The following HAO2 variants were observed in gnomAD, a reference collection of about 807,000 sequenced individuals.
HAO2 encodes hydroxyacid oxidase 2.
Under a neutral mutation model 37.4 loss-of-function variants are expected in HAO2, and 42 were observed. That is an observed-to-expected ratio of 1.12 (90% CI 0.88 to 1.45). The LOEUF is 1.45. HAO2 is among the 40% of genes most tolerant of loss of function. The pLI is 0.00. For synonymous variants in HAO2, 180 were observed against 162.8 expected (o/e 1.11, Z -0.81); for missense variants, 476 against 430.2 (o/e 1.11, Z -0.94).
intron 1 of HAO2, among the ~76,000 whole-genome samples, chr1:119,374,147 T>C (rs1649258127): frequency 6.6e-6 from 1 of 152,226 alleles, no homozygotes; most frequent in African/African-American, 2.4e-5. Flanking sequence ...ATCCAAATTC[T>C]TCCCCCTGCC....
chr1:119,392,386 A>G, intron 6 of HAO2, 118 bp downstream of exon 6: 1 of 893,242 alleles, frequency 1.1e-6, no homozygotes, highest in South Asian at 1.7e-5. Flanking sequence ...AAGGATAGTT[A>G]CACCTAAGCT....
chr1:119,379,277 A>G (rs1649726700), intron 1 of HAO2, among the ~76,000 whole-genome samples: 1 of 152,174 alleles, frequency 6.6e-6, no homozygotes, highest in Non-Finnish European at 1.5e-5. Context: ...CTAGAGTCCC[A>G]GAGGAGAAGC....
chr1:119,385,511 G>A (rs1452542020), intron 4 of HAO2: 6 of 837,402 alleles, frequency 7.2e-6, no homozygotes, highest in Non-Finnish European at 8.6e-6. Context: ...AGACAGGCCA[G>A]GTTCTACCTT....
intron 4 of HAO2, chr1:119,385,426 T>C (rs1650298457): frequency 1.7e-5 from 15 of 885,052 alleles, no homozygotes; most frequent in Non-Finnish European, 2.0e-5. Context: ...AAAATGCTAA[T>C]TTTGGATGGC....
Position 119,383,024 on chromosome 1 carries a change from C to T in HAO2, c.241C>T (p.His81Tyr), listed in dbSNP as rs587726854. ...APICIAPTGF[H>Y]CLVWPDGEMS... is the part of the protein sequence containing the mutation. ...TATTTGTATCGCACCCACAGGGTTC[C>T]ACTGCCTTGTCTGGCCTGATGGGGA... Residue 81 changes from histidine (H) to tyrosine (Y), a missense_variant, in exon 3 of 8, where the codon CAC becomes TAC. His to Tyr is a moderately conservative substitution (Grantham distance 83, BLOSUM62 2). Coordinates refer to ENST00000325945, the MANE Select transcript of HAO2 (RefSeq NM_016527.4). 13 of 1,613,144 alleles carry T rather than the reference C, an allele frequency of 8.1e-6. No individual in the cohort carries two copies. The East Asian group carries it at 2.5e-4, about 31-fold the overall frequency.
At chr1:119,385,120 T>C in intron 4 of HAO2, 67 bp downstream of exon 4, 1 of 1,550,734 alleles carries the variant, frequency 6.4e-7, no homozygotes, top group Non-Finnish European at 8.7e-7. Flanking sequence ...TCTTTTCTCC[T>C]TTCCTCCATT....
chr1:119,394,009 C>T lies in HAO2; in HGVS notation c.*169C>T, dbSNP rs149804191. 95 of 1,431,948 alleles carry T rather than the reference C, an allele frequency of 6.6e-5. No individual in the cohort carries two copies. The East Asian group carries it at 2.3e-3, about 34-fold the overall frequency. 88.7% of individuals were successfully genotyped at this position (1,431,948 alleles called of 1,614,324 possible). A position where few individuals can be genotyped will look rare whatever the true frequency, so the allele number is the denominator to read the frequency against. Reference sequence around the variant, plus strand: ...CCCCTGTGCTTCAGGCCCTCCAAACCCCTGTGTTCCCCAAATGTTCCATGC... The same window carrying T: ...CCCCTGTGCTTCAGGCCCTCCAAACTCCTGTGTTCCCCAAATGTTCCATGC... On this transcript the variant is annotated 3_prime_UTR_variant, in exon 8 of 8. Coordinates refer to ENST00000325945, the MANE Select transcript of HAO2 (RefSeq NM_016527.4).
At chr1:119,380,845 A>G in intron 1 of HAO2, 1 of 734,176 alleles carries the variant, frequency 1.4e-6, no homozygotes. Context: ...AGAAGGCCAA[A>G]TAATCAGGAT....
At chr1:119,391,989 G>T in intron 5 of HAO2, 121 bp from the exon 6 acceptor site, 1 of 796,162 alleles carries the variant, frequency 1.3e-6, no homozygotes. Flanking sequence ...CCTCAAGCAT[G>T]GGAGGGGAAG....
chr1:119,386,302 C>T (rs1284415610), intron 4 of HAO2, among the ~76,000 whole-genome samples: 1 of 152,130 alleles, frequency 6.6e-6, no homozygotes, highest in East Asian at 1.9e-4. Flanking sequence ...CAGTCTAGAC[C>T]TCCTGAGCCC....
chr1:119,392,539 A>T (rs1385472732), intron 6 of HAO2, 79 bp from the exon 7 acceptor site: 10 of 937,786 alleles, frequency 1.1e-5, no homozygotes, highest in Non-Finnish European at 1.2e-5. Flanking sequence ...CTCTGACTAC[A>T]TCTAGAATTT....
intron 3 of HAO2, 48 bp from the exon 4 acceptor site, chr1:119,384,728 T>C (rs985192144): frequency 1.3e-6 from 2 of 1,569,694 alleles, no homozygotes; most frequent in Non-Finnish European, 1.7e-6. Flanking sequence ...TTCAGCCCAG[T>C]CCAGAGGCCT....
chr1:119,384,628 A>G (rs956952219), intron 3 of HAO2, 148 bp from the exon 4 acceptor site: 5 of 660,834 alleles, frequency 7.6e-6, no homozygotes, highest in African/African-American at 5.4e-5. Flanking sequence ...ATTGCCTTCC[A>G]TCCCTTTCTT....
Position 119,383,075 on chromosome 1 carries a change from C to G in HAO2, c.283+9C>G. On this transcript the variant is annotated intron_variant, in intron 3 of 7. Transcript: ENST00000325945. The stretch of plus-strand genomic sequence containing the variant: ...AATGAGCACAGCAAGAGGTATGAAC[C>G]ATCCCCACCTCGAGGCTCCTTTCCG... The G allele has an allele frequency of 3.7e-6, 6 of 1,605,806 alleles. No individual in the cohort carries two copies. Among genetic ancestry groups the G allele is most frequent in the Non-Finnish European group, 5.1e-6 (6 of 1,174,974 alleles).
intron 4 of HAO2, chr1:119,385,459 C>T (rs587662783): frequency 3.9e-6 from 3 of 778,232 alleles, no homozygotes; most frequent in Non-Finnish European, 4.7e-6. Flanking sequence ...ACTGACTCTC[C>T]AAAGGGGATG....
chr1:119,371,970 C>T (rs587622570), intron 1 of HAO2, among the ~76,000 whole-genome samples: 13 of 152,266 alleles, frequency 8.5e-5, no homozygotes, highest in African/African-American at 2.4e-4. Flanking sequence ...CTATGTTCAA[C>T]GCTCTATGGA....
Position 119,382,900 on chromosome 1 carries a change from T to C in HAO2, c.132-15T>C. ...TCATCTCACCAACAGAAGATCTCTT[T>C]GTTGTCCGGCACAGAATTCGCCTCC... On this transcript the variant is annotated splice_polypyrimidine_tract_variant and intron_variant, in intron 2 of 7. Coordinates refer to ENST00000325945, the MANE Select transcript of HAO2 (RefSeq NM_016527.4). The C allele has an allele frequency of 6.2e-7, 1 of 1,611,870 alleles. No individual in the cohort carries two copies. Among genetic ancestry groups the C allele is most frequent in the Non-Finnish European group, 8.5e-7 (1 of 1,178,480 alleles).
intron 1 of HAO2, 72 bp from the exon 2 acceptor site, chr1:119,381,006 C>A: frequency 7.9e-7 from 1 of 1,262,916 alleles, no homozygotes; most frequent in Non-Finnish European, 1.2e-6. Flanking sequence ...ACTGCAGCTT[C>A]CCCTTCATTT....
At chr1:119,392,936 C>T (rs1046172038) in intron 7 of HAO2, among the ~76,000 whole-genome samples, 5 of 152,106 alleles carry the variant, frequency 3.3e-5, no homozygotes. Context: ...CTGTTGAATT[C>T]GTTCAATTTA....
Sources: gnomAD v4.1 joint callset for allele counts (sites outside exome capture counted in the v4.1 genomes callset) on GRCh38, gnomAD v4.1.1 for gene constraint, MANE v1.5 for transcripts, NCBI Gene and HGNC (gene_info 2026-07-23, HGNC 2026-07-21) for gene names.